Variants in PGBD5 observed in about 807,000 individuals in gnomAD.
The protein encoded by PGBD5 is piggyBac transposable element-derived protein 5.
PGBD5 carries 14 observed loss-of-function variants against 47.9 expected under a neutral mutation model. That is an observed-to-expected ratio of 0.29 (90% confidence interval 0.19 to 0.46). The LOEUF (loss-of-function observed/expected upper bound fraction) is 0.46, where lower values mean the gene tolerates loss of function less well. PGBD5 is among the 20% of genes least tolerant of loss of function. PGBD5 has a pLI of 1.00. For missense variants in PGBD5, 635 were observed against 716.0 expected, an observed-to-expected ratio of 0.89 and a Z score of 1.29; for synonymous variants, 316 against 306.3, an observed-to-expected ratio of 1.03 and a Z score of -0.33.
At chr1:230,325,439 C>A in intron 5 of PGBD5, 24 bp from the exon 6 acceptor site, 1 of 1,563,180 alleles carries the variant, frequency 6.4e-7, no homozygotes, top group Non-Finnish European at 8.8e-7. Context: ...ACAAGATAAG[C>A]CCCTTCCTCA....
At chr1:230,381,597 G>A (rs575447211) in intron 1 of PGBD5, among the ~76,000 whole-genome samples, 22 of 152,366 alleles carry the variant, frequency 1.4e-4, no homozygotes, top group African/African-American at 5.3e-4. Flanking sequence ...AGTGGGATGA[G>A]AAAACCACCC....
At chr1:230,344,543 G>A (rs1235311865) in intron 3 of PGBD5, among the ~76,000 whole-genome samples, 7 of 152,152 alleles carry the variant, frequency 4.6e-5, no homozygotes, top group South Asian at 4.1e-4. Flanking sequence ...TTTCCTGAAC[G>A]CCAGAAGCAG....
At chr1:230,406,433 AT>A (rs770740298) in intron 1 of PGBD5, among the ~76,000 whole-genome samples, 19 of 152,230 alleles carry the variant, frequency 1.2e-4, no homozygotes, top group Middle Eastern at 3.4e-3. Flanking sequence ...AGGCAAAAAA[AT>A]ATTAAGAAAT....
chr1:230,400,150 C>T lies in PGBD5; in HGVS notation c.331+25448G>A, dbSNP rs1039271398. Among the ~76,000 whole-genome samples, 5 of 152,218 alleles carry T rather than the reference C, an allele frequency of 3.3e-5. No individual in the cohort carries two copies. In the East Asian group the frequency reaches 5.8e-4, roughly 18 times the overall value. On this transcript the variant is annotated intron_variant, in intron 1 of 6. Coordinates refer to ENST00000391860, the MANE Select transcript of PGBD5 (RefSeq NM_001258311.2). ...CCGCCTTCCTCCTTCCTCCGCGCCT[C>T]GCCCACCAGGCACACTCCTGCCTCG...
At chr1:230,337,348 G>A in intron 3 of PGBD5, 60 bp from the exon 4 acceptor site, 2 of 1,462,516 alleles carry the variant, frequency 1.4e-6, no homozygotes, top group Non-Finnish European at 1.8e-6. Flanking sequence ...GGGAGCCCGA[G>A]TATTCAGCAA....
At chr1:230,372,487 T>A (rs1341127460) in intron 1 of PGBD5, among the ~76,000 whole-genome samples, 1 of 152,118 alleles carries the variant, frequency 6.6e-6, no homozygotes, top group African/African-American at 2.4e-5. Flanking sequence ...CCCGCCATCA[T>A]CCCACGAATG....
intron 1 of PGBD5, among the ~76,000 whole-genome samples, chr1:230,410,178 G>A (rs183026794): frequency 1.4e-4 from 21 of 152,232 alleles, no homozygotes; most frequent in African/African-American, 4.8e-4. Context: ...TGGATAGAGT[G>A]GTATTACTAA....
In PGBD5 at chr1:230,332,915, A is replaced by T. The variant is rs1433521232; in HGVS notation, c.1202T>A (p.Met401Lys). The change falls in exon 5 of 7, where the codon ATG becomes AAG. Residue 401 changes from methionine (M) to lysine (K), a missense_variant. By Grantham distance (95) the Met-to-Lys change is moderately conservative (BLOSUM62 -1). Transcript: ENST00000391860. ...GQYQIKMKGN[M>K]SLICWYNKGH... ...TTTGTTGTACCAGCAGATCAAGGAC[A>T]TGTTCCCCTTCATCTTGATTTGGTA... 6.2e-7 allele frequency: 1 copy of T among 1,614,104 alleles called. No individual in the cohort carries two copies. The highest frequency in any genetic ancestry group is 8.5e-7 in the Non-Finnish European group (1 of 1,180,034).
At chr1:230,372,994 G>A (rs997016829) in intron 1 of PGBD5, among the ~76,000 whole-genome samples, 3 of 152,144 alleles carry the variant, frequency 2.0e-5, no homozygotes, top group Non-Finnish European at 4.4e-5. Flanking sequence ...AGTAGATAAA[G>A]CCTTCAGGTC....
chr1:230,338,898 G>A (rs1423773773), intron 3 of PGBD5, among the ~76,000 whole-genome samples: 2 of 152,198 alleles, frequency 1.3e-5, no homozygotes, highest in Admixed American at 1.3e-4. Flanking sequence ...GTCAGGAAGA[G>A]CCCGGTTCCT....
At position 230,337,088 on chromosome 1, in the gene PGBD5, T is replaced by A. The variant is rs1667337269; in HGVS notation, c.1075+20A>T. ...AGGGGAGGCTGGGCCGTATCCTCAC[T>A]GGCTCCCCACTTGACTAACCTTGCT... On this transcript the variant is annotated intron_variant, in intron 4 of 6. Coordinates refer to ENST00000391860, the MANE Select transcript of PGBD5 (RefSeq NM_001258311.2). The A allele has an allele frequency of 6.2e-7, 1 of 1,610,052 alleles. No homozygotes were observed. Among genetic ancestry groups the A allele is most frequent in the Non-Finnish European group, 8.5e-7 (1 of 1,177,156 alleles).
chr1:230,368,133 G>A, intron 1 of PGBD5: 3 of 1,367,916 alleles, frequency 2.2e-6, no homozygotes, highest in Middle Eastern at 2.1e-4. Context: ...GATGGTGGTG[G>A]TGAGGAGGAG....
At position 230,389,443 on chromosome 1, in the gene PGBD5, G is replaced by A. The variant is rs536923793; in HGVS notation, c.332-32122C>T. 4.7e-4 allele frequency among the ~76,000 whole-genome samples: 72 copies of A among 152,346 alleles called. 1 individual carries two copies. The highest frequency in any genetic ancestry group is 1.5e-3 in the African/African-American group (64 of 41,576). On this transcript the variant is annotated intron_variant, in intron 1 of 6. Coordinates refer to ENST00000391860, the MANE Select transcript of PGBD5 (RefSeq NM_001258311.2). ...CCGCCTCAGCCTCCCAAAGTGCTGG[G>A]ATTACAGGCTTGAGCCACCACGCCC...
intron 1 of PGBD5, among the ~76,000 whole-genome samples, chr1:230,394,572 C>G (rs948660511): frequency 1.4e-4 from 18 of 131,842 alleles, no homozygotes; most frequent in Non-Finnish European, 2.7e-4. Context: ...TGCCCACCCC[C>G]CTCCCCTCCT....
intron 1 of PGBD5, among the ~76,000 whole-genome samples, chr1:230,393,223 A>G (rs140886108): frequency 0.024 from 3,166 of 134,418 alleles, 43 homozygotes; most frequent in Non-Finnish European, 0.027. Flanking sequence ...AAGGGAAAGG[A>G]GGAGAGGAGG....
chr1:230,324,467 A>G (rs1191492654), intron 6 of PGBD5, among the ~76,000 whole-genome samples: 1 of 152,246 alleles, frequency 6.6e-6, no homozygotes, highest in African/African-American at 2.4e-5. Flanking sequence ...GACTTGTTCA[A>G]TGAATCCCCA....
intron 3 of PGBD5, among the ~76,000 whole-genome samples, chr1:230,347,830 T>C (rs1571833694): frequency 6.6e-6 from 1 of 152,084 alleles, no homozygotes; most frequent in Non-Finnish European, 1.5e-5. Context: ...TTACAGTGGG[T>C]CTCAAACAGC....
chr1:230,386,629 A>T (rs1656651008), intron 1 of PGBD5, among the ~76,000 whole-genome samples: 1 of 152,188 alleles, frequency 6.6e-6, no homozygotes, highest in African/African-American at 2.4e-5. Context: ...AACTTACCTG[A>T]ATATTAGTGT....
intron 1 of PGBD5, among the ~76,000 whole-genome samples, chr1:230,374,996 C>A (rs927517740): frequency 6.6e-6 from 1 of 152,224 alleles, no homozygotes; most frequent in African/African-American, 2.4e-5. Flanking sequence ...CCCACTGCCC[C>A]GCTCAGGGGG....
Sources: allele counts gnomAD v4.1 joint callset (sites outside exome capture counted in the v4.1 genomes callset), GRCh38; gene constraint gnomAD v4.1.1; transcripts MANE v1.5; gene names NCBI Gene and HGNC (gene_info 2026-07-23, HGNC 2026-07-21).